The following DDX10 variants were observed in gnomAD, a reference collection of about 807,000 sequenced individuals.
DDX10 encodes the protein probable ATP-dependent RNA helicase DDX10.
Under a neutral mutation model 104.3 loss-of-function variants are expected in DDX10, and 74 were observed. That is an observed-to-expected ratio of 0.71 (90% CI 0.59 to 0.86). The LOEUF (loss-of-function observed/expected upper bound fraction) is 0.86. DDX10 is among the 40% of genes least tolerant of loss of function. The probability of loss-of-function intolerance (pLI) is 0.00; values close to 1 mark genes in which losing one functional copy is unlikely to be tolerated. For missense variants in DDX10, 952 were observed against 1,040.0 expected (o/e 0.92, Z 1.16); for synonymous variants, 351 against 353.4 (o/e 0.99, Z 0.08).
chr11:108,696,748 T>C (rs2094260437), intron 9 of DDX10, among the ~76,000 whole-genome samples: 1 of 152,200 alleles, frequency 6.6e-6, no homozygotes, highest in African/African-American at 2.4e-5. Flanking sequence ...TAATATAGTG[T>C]ATTCTTTAAT....
chr11:108,921,263 A>G (rs948127348), intron 17 of DDX10: 10 of 152,360 alleles, frequency 6.6e-5, no homozygotes, highest in Admixed American at 5.9e-4. Flanking sequence ...ATTGTTTTAG[A>G]TAAAGAAAAT....
chr11:108,856,513 T>G (rs1318134795), intron 16 of DDX10, among the ~76,000 whole-genome samples: 2 of 151,840 alleles, frequency 1.3e-5, no homozygotes, highest in African/African-American at 4.8e-5. Flanking sequence ...AAAAAACTAA[T>G]GGACTTGAGA....
chr11:108,770,611 T>C (rs2134526035), intron 13 of DDX10, among the ~76,000 whole-genome samples: 1 of 151,664 alleles, frequency 6.6e-6, no homozygotes, highest in East Asian at 2.0e-4. Flanking sequence ...AGTGAGAATA[T>C]GAAATGTTTG....
intron 13 of DDX10, among the ~76,000 whole-genome samples, chr11:108,734,176 T>G (rs547880713): frequency 5.3e-5 from 8 of 152,170 alleles, no homozygotes; most frequent in Non-Finnish European, 1.2e-4. Context: ...CCTGGTGATT[T>G]GTGTTCAGGG....
intron 16 of DDX10, among the ~76,000 whole-genome samples, chr11:108,900,466 G>C (rs900621759): frequency 6.6e-6 from 1 of 152,132 alleles, no homozygotes; most frequent in African/African-American, 2.4e-5. Flanking sequence ...CTTTCCTTCT[G>C]CTAACACAAA....
chr11:108,755,623 A>G (rs1486714556), intron 13 of DDX10, among the ~76,000 whole-genome samples: 2 of 151,956 alleles, frequency 1.3e-5, no homozygotes, highest in African/African-American at 4.8e-5. Context: ...TATTTTATGG[A>G]TGGTTCTTTC....
intron 16 of DDX10, among the ~76,000 whole-genome samples, chr11:108,876,750 T>C (rs1863158436): frequency 6.6e-6 from 1 of 152,200 alleles, no homozygotes; most frequent in Non-Finnish European, 1.5e-5. Flanking sequence ...CCACAAATTA[T>C]TTCCCTCTCT....
At chr11:108,809,050 A>C (rs571042555) in intron 13 of DDX10, among the ~76,000 whole-genome samples, 1 of 152,076 alleles carries the variant, frequency 6.6e-6, no homozygotes, top group African/African-American at 2.4e-5. Context: ...GCTAGTTTTT[A>C]CTAGCACTGA....
Position 108,825,491 on chromosome 11 carries a change from A to G in DDX10, c.1966-12955A>G, listed in dbSNP as rs561037722. ...GTAGAATGTTCGTATTGGCAGTATC[A>G]ATAGAGGTTTTGCCTTATGGTCCTC... On this transcript the variant is annotated intron_variant, in intron 13 of 17. Coordinates refer to ENST00000322536, the MANE Select transcript of DDX10 (RefSeq NM_004398.4). Among the ~76,000 whole-genome samples the G allele has an allele frequency of 1.2e-4, 19 of 152,322 alleles. No homozygotes were observed. In the South Asian group the frequency reaches 1.9e-3, roughly 15 times the overall value.
intron 17 of DDX10, among the ~76,000 whole-genome samples, chr11:108,927,709 C>T (rs1863926301): frequency 6.6e-6 from 1 of 151,794 alleles, no homozygotes; most frequent in South Asian, 2.1e-4. Context: ...GTGATCTCAG[C>T]TCACTGCAAC....
rs1468696116 is a variant in DDX10 at position 108,706,793 on chromosome 11, G to A, written c.1278G>A (p.Met426Ile). ...TTTTGCTACCCTCAGAAAAAGCTATGGTGCAGCAGCTTCTTCAGAAGAAAG... is the reference window on the plus strand; with the variant it reads ...TTTTGCTACCCTCAGAAAAAGCTATAGTGCAGCAGCTTCTTCAGAAGAAAG... ...LLILLPSEKA[M>I]VQQLLQKKVP... The change falls in exon 10 of 18, where the codon ATG (methionine) becomes ATA (isoleucine). Residue 426 changes from methionine to isoleucine, a missense_variant. By Grantham distance (10) the Met-to-Ile change is conservative. This residue lies in a region of DDX10 where 533 missense variants were observed against 534.1 expected (regional missense o/e 1.00). Coordinates refer to ENST00000322536, the MANE Select transcript of DDX10 (RefSeq NM_004398.4). 1 of 1,613,898 alleles carries A rather than the reference G, an allele frequency of 6.2e-7. No homozygotes were observed. The highest frequency in any genetic ancestry group is 2.2e-5 in the East Asian group (1 of 44,876).
chr11:108,854,726 G>GT (rs1196918166), intron 16 of DDX10, among the ~76,000 whole-genome samples: 2 of 26,688 alleles, frequency 7.5e-5, no homozygotes, highest in African/African-American at 1.6e-4. Context: ...AAAGGACACA[G>GT]TATTTTTTTT....
intron 17 of DDX10, among the ~76,000 whole-genome samples, chr11:108,939,735 G>A (rs1864082028): frequency 1.3e-5 from 2 of 152,208 alleles, no homozygotes; most frequent in East Asian, 1.9e-4. Context: ...TTTAAATGGA[G>A]GAAATTTATT....
At chr11:108,940,170 C>G (rs1018303902) in intron 17 of DDX10, 76 bp from the exon 18 acceptor site, 55 of 1,433,910 alleles carry the variant, frequency 3.8e-5, no homozygotes, top group Non-Finnish European at 4.9e-5. Flanking sequence ...TACCAACTCT[C>G]TGTTAATTTT....
intron 16 of DDX10, among the ~76,000 whole-genome samples, chr11:108,873,824 A>G (rs1285167853): frequency 6.6e-6 from 1 of 152,206 alleles, no homozygotes; most frequent in African/African-American, 2.4e-5. Context: ...AGATGTCATT[A>G]TAGTTTTTTT....
chr11:108,838,353 C>T, intron 13 of DDX10, 93 bp from the exon 14 acceptor site: 1 of 1,330,590 alleles, frequency 7.5e-7, no homozygotes, highest in Non-Finnish European at 1.0e-6. Context: ...AATAAATGTA[C>T]CCAGTTTTGA....
intron 13 of DDX10, among the ~76,000 whole-genome samples, chr11:108,783,195 T>C (rs1408215680): frequency 2.0e-5 from 3 of 152,126 alleles, no homozygotes; most frequent in Non-Finnish European, 4.4e-5. Context: ...TTTAAAGATA[T>C]GAGACTGTTT....
chr11:108,785,061 G>A (rs1431990669), intron 13 of DDX10, among the ~76,000 whole-genome samples: 4 of 151,980 alleles, frequency 2.6e-5, no homozygotes, highest in Non-Finnish European at 4.4e-5. Context: ...TGTCTCTTTT[G>A]TACCAGTACC....
At chr11:108,678,277 G>A in intron 4 of DDX10, 38 bp from the exon 5 acceptor site, 1 of 1,594,788 alleles carries the variant, frequency 6.3e-7, no homozygotes, top group South Asian at 1.1e-5. Flanking sequence ...TGCTGAGAGT[G>A]ATGTGTCTGT....
Sources: gnomAD v4.1 joint callset for allele counts (sites outside exome capture counted in the v4.1 genomes callset) on GRCh38, gnomAD v4.1.1 for gene constraint, gnomAD v4.1.1 regional missense constraint, MANE v1.5 for transcripts, NCBI Gene and HGNC (gene_info 2026-07-23, HGNC 2026-07-21) for gene names.